Variants in CELF2 observed in about 807,000 individuals in gnomAD.
The protein encoded by CELF2 is CUGBP Elav-like family member 2.
Under a neutral mutation model 62.6 loss-of-function variants are expected in CELF2, and 8 were observed. The ratio of observed to expected loss-of-function variants is 0.13; its 90% CI spans 0.07 to 0.23. The LOEUF (loss-of-function observed/expected upper bound fraction) is 0.23. Among genes scored for constraint, CELF2 ranks in the 10% least tolerant of loss-of-function variants. The pLI, the probability that CELF2 is intolerant of heterozygous loss-of-function variation, is 1.00. For missense variants in CELF2, 333 were observed against 671.0 expected (o/e 0.50, Z 5.56); for synonymous variants, 258 against 250.0 (o/e 1.03, Z -0.30).
the CELF2 span, among the ~76,000 whole-genome samples, chr10:10,610,724 T>G: frequency 1.3e-5 from 2 of 152,186 alleles, no homozygotes; most frequent in Admixed American, 6.5e-5. Flanking sequence ...AAGTCAACAA[T>G]GGATTCAGCA....
At chr10:10,480,421 C>A in the CELF2 span, among the ~76,000 whole-genome samples, 3 of 152,196 alleles carry the variant, frequency 2.0e-5, no homozygotes, top group Non-Finnish European at 4.4e-5. Context: ...CCCAAGCTCT[C>A]CTGACCCACT....
At chr10:10,756,309 T>G in the CELF2 span, among the ~76,000 whole-genome samples, 2 of 152,250 alleles carry the variant, frequency 1.3e-5, no homozygotes, top group Non-Finnish European at 2.9e-5. Flanking sequence ...AGAAAATTTA[T>G]CTTGCTGATT....
chr10:10,756,011 G>A, the CELF2 span, among the ~76,000 whole-genome samples: 2 of 152,150 alleles, frequency 1.3e-5, no homozygotes, highest in Non-Finnish European at 2.9e-5. Flanking sequence ...CCTGGTCAAG[G>A]AATCTATGTT....
chr10:10,852,055 T>C (rs2059413898), intron 1 of CELF2, among the ~76,000 whole-genome samples: 1 of 152,218 alleles, frequency 6.6e-6, no homozygotes, highest in Non-Finnish European at 1.5e-5. Context: ...TCTTAAAAAG[T>C]TAAATAGGTA....
rs2092619577 is a variant in CELF2, at chr10:11,292,224, G to A, written c.976+3672G>A. ...GGCTGTGACAAACACCAAGCTTCAA[G>A]GAAATGGTGACACTTCCTCTTTGAC... On this transcript the variant is annotated intron_variant, in intron 9 of 12. Coordinates refer to ENST00000633077, the MANE Select transcript of CELF2 (RefSeq NM_001326342.2). Among the ~76,000 whole-genome samples, 3 of 152,204 alleles carry A rather than the reference G, an allele frequency of 2.0e-5. No individual in the cohort carries two copies. In the South Asian group the frequency reaches 6.2e-4, roughly 31 times the overall value.
intron 1 of CELF2, among the ~76,000 whole-genome samples, chr10:11,137,803 T>G (rs1383707005): frequency 7.4e-6 from 1 of 135,744 alleles, no homozygotes; most frequent in African/African-American, 2.8e-5. Context: ...TTGTGTAAAC[T>G]TTTAAAAACA....
At chr10:11,216,568 A>G (rs531448007) in intron 2 of CELF2, among the ~76,000 whole-genome samples, 2 of 152,372 alleles carry the variant, frequency 1.3e-5, no homozygotes, top group South Asian at 4.1e-4. Flanking sequence ...CAAATAGCCA[A>G]TATCTTTATC....
intron 1 of CELF2, among the ~76,000 whole-genome samples, chr10:10,827,882 T>C (rs2057523079): frequency 6.7e-6 from 1 of 149,190 alleles, no homozygotes; most frequent in Admixed American, 6.7e-5. Context: ...CACTAGAGAG[T>C]AGAATAAAAC....
chr10:11,229,078 G>A lies in CELF2; in HGVS notation c.354+11571G>A, dbSNP rs982704282. Among the ~76,000 whole-genome samples the A allele has an allele frequency of 2.6e-5, 4 of 152,320 alleles. No homozygotes were observed. In the South Asian group the frequency reaches 8.3e-4, roughly 32 times the overall value. ...GATAGATGAGGAAGCTGGAGCCCAG[G>A]AAGGTGGGAGGACAGGTGAGATGCT... is the stretch of plus-strand genomic sequence containing the variant. On this transcript the variant is annotated intron_variant, in intron 3 of 12. Transcript: ENST00000633077.
At chr10:10,729,608 AAAAC>A in the CELF2 span, among the ~76,000 whole-genome samples, 878 of 152,162 alleles carry the variant, frequency 5.8e-3, 8 homozygotes, top group African/African-American at 0.019. Flanking sequence ...CTCCGTTTCC[AAAAC>A]AAACAAACAA....
intron 1 of CELF2, among the ~76,000 whole-genome samples, chr10:11,142,467 G>A (rs1369061860): frequency 6.6e-6 from 1 of 152,014 alleles, no homozygotes; most frequent in African/African-American, 2.4e-5. Context: ...GGCAGATCAC[G>A]AGGTCAGGAG....
upstream of CELF2, chr10:11,005,239 GAAGA>G: frequency 1.4e-6 from 2 of 1,455,644 alleles, no homozygotes; most frequent in Non-Finnish European, 1.9e-6. This position sits in a 1 kb window ranked among gnomAD's most constrained non-coding sequence, Gnocchi z 4.3. Context: ...AAGAGAGTGG[GAAGA>G]CAGAGAGAGA....
intron 1 of CELF2, among the ~76,000 whole-genome samples, chr10:11,022,165 A>T (rs1488115594): frequency 6.6e-6 from 1 of 152,224 alleles, no homozygotes; most frequent in Non-Finnish European, 1.5e-5. Context: ...GAAAAGTCTA[A>T]AGAAAAGACT....
the CELF2 span, among the ~76,000 whole-genome samples, chr10:10,773,836 C>T: frequency 2.6e-5 from 4 of 152,162 alleles, no homozygotes; most frequent in Non-Finnish European, 5.9e-5. Context: ...AGACCCACTG[C>T]TCCTTCCTTT....
chr10:10,637,562 C>T, the CELF2 span, among the ~76,000 whole-genome samples: 2 of 152,142 alleles, frequency 1.3e-5, no homozygotes, highest in Admixed American at 1.3e-4. Flanking sequence ...TTAGAGAATA[C>T]AATGCTTTTC....
rs2062204200 is a variant in CELF2, at chr10:11,145,998, T to C, written c.75-19488T>C. On this transcript the variant is annotated intron_variant, in intron 1 of 12. Coordinates refer to ENST00000633077, the MANE Select transcript of CELF2 (RefSeq NM_001326342.2). This position sits in a 1 kb window ranked among gnomAD's most constrained non-coding sequence, Gnocchi z 4.3. Reference sequence around the variant, plus strand: ...TCTCCTCTGGTACTTTTAGACGGTGTAAAACATTTCACTAAATCCTTACAA... The same window carrying C: ...TCTCCTCTGGTACTTTTAGACGGTGCAAAACATTTCACTAAATCCTTACAA... Among the ~76,000 whole-genome samples, 1 of 152,192 alleles carries C rather than the reference T, an allele frequency of 6.6e-6. No homozygotes were observed. The highest frequency in any genetic ancestry group is 1.5e-5 in the Non-Finnish European group (1 of 68,032).
intron 1 of CELF2, among the ~76,000 whole-genome samples, chr10:10,906,242 A>G (rs940775210): frequency 2.0e-5 from 3 of 152,190 alleles, no homozygotes; most frequent in African/African-American, 7.2e-5. Flanking sequence ...GAGTTGTACT[A>G]CCTAATTTTC....
At chr10:11,218,241 A>G (rs562579138) in intron 3 of CELF2, among the ~76,000 whole-genome samples, 1 of 152,250 alleles carries the variant, frequency 6.6e-6, no homozygotes, top group South Asian at 2.1e-4. Context: ...ATCAGTGATG[A>G]GTTCATAATG....
the CELF2 span, among the ~76,000 whole-genome samples, chr10:10,619,452 C>T: frequency 3.3e-5 from 5 of 152,220 alleles, no homozygotes; most frequent in African/African-American, 7.2e-5. Flanking sequence ...TACAGAACAG[C>T]TCGTACATTC....
Sources: allele counts gnomAD v4.1 joint callset (sites outside exome capture counted in the v4.1 genomes callset), GRCh38; gene constraint gnomAD v4.1.1; non-coding constraint Gnocchi (gnomAD v3.1); transcripts MANE v1.5; gene names NCBI Gene and HGNC (gene_info 2026-07-23, HGNC 2026-07-21).